Variants in CLDN14 observed in about 807,000 individuals in gnomAD.
CLDN14 encodes claudin-14.
Under a neutral mutation model 2.1 loss-of-function variants are expected in CLDN14, and 2 were observed. That is an observed-to-expected ratio of 0.96 (90% CI 0.39 to 3.01). CLDN14 has a LOEUF of 3.01. Among genes scored for constraint, CLDN14 ranks in the 30% most tolerant of loss-of-function variants. The pLI is 0.09. For synonymous variants in CLDN14, 136 were observed against 154.4 expected, an observed-to-expected ratio of 0.88 and a Z score of 0.88; for missense variants, 298 against 328.0, an observed-to-expected ratio of 0.91 and a Z score of 0.71.
In CLDN14 at chr21:36,499,255, T is replaced by A. The variant is rs1330566903; in HGVS notation, c.-82+11108A>T. On this transcript the variant is annotated intron_variant, in intron 2 of 2. Transcript: ENST00000342108. The surrounding 1 kb of genome is among the most constrained non-coding windows in gnomAD (Gnocchi z 4.7). ...CCATTGCTTTCAGCTTTCTCCAAGGTTTTTGTTTGTTTGTTTGTCGGTCTT... is the reference window on the plus strand; with the variant it reads ...CCATTGCTTTCAGCTTTCTCCAAGGATTTTGTTTGTTTGTTTGTCGGTCTT... Among the ~76,000 whole-genome samples the A allele has an allele frequency of 6.6e-6, 1 of 152,132 alleles. No individual in the cohort carries two copies. The highest frequency in any genetic ancestry group is 6.5e-5 in the Admixed American group (1 of 15,276).
chr21:36,523,910 C>T (rs1372121610), intron 1 of CLDN14, among the ~76,000 whole-genome samples: 2 of 152,034 alleles, frequency 1.3e-5, no homozygotes, highest in East Asian at 3.8e-4. Context: ...CCGAGATGCT[C>T]CAGCCCTGCC....
intron 2 of CLDN14, among the ~76,000 whole-genome samples, chr21:36,489,070 A>C (rs1005739936): frequency 2.0e-5 from 3 of 146,374 alleles, no homozygotes; most frequent in Admixed American, 7.0e-5. Flanking sequence ...AGATCAAGCC[A>C]CTGCACTCCA....
intron 1 of CLDN14, among the ~76,000 whole-genome samples, chr21:36,521,802 T>C (rs1326429519): frequency 6.6e-6 from 1 of 152,114 alleles, no homozygotes; most frequent in African/African-American, 2.4e-5. Flanking sequence ...AGGTCAGCAA[T>C]AGAAAGAGGA....
At chr21:36,510,477 C>G (rs989354404) in exon 2 of CLDN14, 2 of 152,290 alleles carry the variant, frequency 1.3e-5, no homozygotes, top group African/African-American at 4.8e-5. Context: ...TGGCTTGTGT[C>G]CAGATCTCTG....
intron 1 of CLDN14, among the ~76,000 whole-genome samples, chr21:36,548,726 C>A (rs918338801): frequency 2.6e-4 from 39 of 152,134 alleles, no homozygotes; most frequent in African/African-American, 8.0e-4. Context: ...GCATCGATGA[C>A]CCCCTGGGAT....
rs552725360 is a variant in CLDN14, at chr21:36,542,220, C to T, written c.-219-31720G>A. Among the ~76,000 whole-genome samples, 6 of 152,298 alleles carry T rather than the reference C, an allele frequency of 3.9e-5. No homozygotes were observed. The East Asian group carries it at 9.7e-4, about 25-fold the overall frequency. ...CCTCATGATCCGCCCGCCTCGACCT[C>T]CTAAAGTGCTGGGATTACAGGCGTG... On this transcript the variant is annotated intron_variant, in intron 1 of 2. Coordinates refer to the CLDN14 transcript ENST00000342108.
chr21:36,496,615 G>A (rs1228643905), intron 2 of CLDN14, among the ~76,000 whole-genome samples: 1 of 145,928 alleles, frequency 6.9e-6, no homozygotes, highest in African/African-American at 2.6e-5. Context: ...GGACCCCTGA[G>A]AGCGAATGCT....
At chr21:36,553,510 T>A (rs1027749118) in intron 1 of CLDN14, among the ~76,000 whole-genome samples, 3 of 151,974 alleles carry the variant, frequency 2.0e-5, no homozygotes, top group Non-Finnish European at 4.4e-5. Context: ...AACACCAGCA[T>A]CCAAGGCCCT....
At chr21:36,475,231 G>T (rs2146439395) in intron 1 of CLDN14, among the ~76,000 whole-genome samples, 1 of 152,336 alleles carries the variant, frequency 6.6e-6, no homozygotes, top group East Asian at 1.9e-4. Context: ...AGGGGAAAAT[G>T]ATGAAGGCAG....
chr21:36,526,012 T>TCTGACTTTCTCCAGCTCAGAGATATCC (rs1419850778), intron 1 of CLDN14, among the ~76,000 whole-genome samples: 17 of 152,138 alleles, frequency 1.1e-4, no homozygotes, highest in Non-Finnish European at 2.4e-4. Flanking sequence ...GCCTCTGCGC[T>TCTGACTTTCTCCAGCTCAGAGATATCC]CTGACTTTCT....
intron 2 of CLDN14, among the ~76,000 whole-genome samples, chr21:36,503,716 A>G (rs1286586881): frequency 6.6e-6 from 1 of 152,222 alleles, no homozygotes; most frequent in Non-Finnish European, 1.5e-5. Context: ...GGATTTTTAA[A>G]TTAATGGAGT....
rs571836062 is a variant in CLDN14, at chr21:36,498,839, G to A, written c.-82+11524C>T. On this transcript the variant is annotated intron_variant, in intron 2 of 2. Coordinates refer to the CLDN14 transcript ENST00000342108. The surrounding 1 kb of genome is among the most constrained non-coding windows in gnomAD (Gnocchi z 4.9). ...CCTGCACGAAGGTGGCCGCTGAGGGGCCCTCATGGGGGCTGAAATTCAACC... is the reference window on the plus strand; with the variant it reads ...CCTGCACGAAGGTGGCCGCTGAGGGACCCTCATGGGGGCTGAAATTCAACC... Among the ~76,000 whole-genome samples, 62 of 152,182 alleles carry A rather than the reference G, an allele frequency of 4.1e-4. 2 individuals carry two copies. Among genetic ancestry groups the A allele is most frequent in the East Asian group, 5.8e-4 (3 of 5,164 alleles).
At chr21:36,504,144 G>T (rs2087111728) in intron 2 of CLDN14, among the ~76,000 whole-genome samples, 1 of 150,694 alleles carries the variant, frequency 6.6e-6, no homozygotes, top group Non-Finnish European at 1.5e-5. Context: ...TTCAAGACCA[G>T]CTTGGGCAAC....
intron 2 of CLDN14, among the ~76,000 whole-genome samples, chr21:36,508,918 T>C (rs1480953805): frequency 1.3e-5 from 2 of 152,146 alleles, no homozygotes; most frequent in African/African-American, 4.8e-5. Flanking sequence ...GCTTTTGTTT[T>C]GCTGAGAGGA....
chr21:36,534,042 C>A (rs2087404764), intron 1 of CLDN14, among the ~76,000 whole-genome samples: 1 of 152,104 alleles, frequency 6.6e-6, no homozygotes, highest in Non-Finnish European at 1.5e-5. Flanking sequence ...CAGCTGAGGA[C>A]TAGAACTGAA....
At position 36,539,831 on chromosome 21, in the gene CLDN14, AGAGT is replaced by A. The variant is rs138202799; in HGVS notation, c.-219-29335_-219-29332del. Among the ~76,000 whole-genome samples, 1,131 of 141,274 alleles carry A rather than the reference AGAGT, an allele frequency of 8.0e-3. 11 individuals are homozygous for A. Among genetic ancestry groups the A allele is most frequent in the Non-Finnish European group, 0.012 (783 of 65,110 alleles). 92.7% of individuals were successfully genotyped at this position (141,274 alleles called of 152,430 possible). A position where few individuals can be genotyped will look rare whatever the true frequency, so the allele number is the denominator to read the frequency against. On this transcript the variant is annotated intron_variant, in intron 1 of 2. Coordinates refer to the CLDN14 transcript ENST00000342108. ...ATGAGTGTGTGCGGAGTATGTCTGC[AGAGT>A]GAGTGTGTGTGCAGAGTGAGTGTGT...
rs920210550 is a variant in CLDN14 at position 36,498,358 on chromosome 21, AAAT to A, written c.-82+12002_-82+12004del. Among the ~76,000 whole-genome samples, 1 of 152,124 alleles carries A rather than the reference AAAT, an allele frequency of 6.6e-6. No homozygotes were observed. The highest frequency in any genetic ancestry group is 2.4e-5 in the African/African-American group (1 of 41,450). Reference sequence around the variant, plus strand: ...GAGTGGAAAGAGAAGAAAAAAAGTAAAATAATAATACTAATAATGCCTTTTCTC... The same window carrying A: ...GAGTGGAAAGAGAAGAAAAAAAGTAAAATAATACTAATAATGCCTTTTCTC... On this transcript the variant is annotated intron_variant, in intron 2 of 2. Coordinates refer to the CLDN14 transcript ENST00000342108. The surrounding 1 kb of genome is among the most constrained non-coding windows in gnomAD (Gnocchi z 4.9).
At chr21:36,564,193 T>C (rs1189260453) in intron 1 of CLDN14, among the ~76,000 whole-genome samples, 2 of 152,246 alleles carry the variant, frequency 1.3e-5, no homozygotes, top group African/African-American at 2.4e-5. Context: ...CAGTGTTATA[T>C]AAATTTTCCA....
At chr21:36,556,566 C>T (rs1372130752) in intron 1 of CLDN14, among the ~76,000 whole-genome samples, 1 of 152,208 alleles carries the variant, frequency 6.6e-6, no homozygotes, top group Non-Finnish European at 1.5e-5. Context: ...CTTCTTTCCT[C>T]TACGAAGAAA....
Sources: allele counts gnomAD v4.1 joint callset (sites outside exome capture counted in the v4.1 genomes callset), GRCh38; gene constraint gnomAD v4.1.1; non-coding constraint Gnocchi (gnomAD v3.1); transcripts MANE v1.5; gene names NCBI Gene and HGNC (gene_info 2026-07-23, HGNC 2026-07-21).